Variants in PEAK1 observed in about 807,000 individuals in gnomAD.
PEAK1 encodes inactive tyrosine-protein kinase PEAK1.
In PEAK1, 54 loss-of-function variants were observed where a neutral mutation model predicts 124.7. The ratio of observed to expected loss-of-function variants is 0.43; its 90% CI spans 0.35 to 0.54. PEAK1 has a LOEUF of 0.54. Ranked by LOEUF, PEAK1 falls within the 20% of genes least tolerant of loss-of-function variation. The pLI is 0.01. For missense variants in PEAK1, 2,046 were observed against 2,134.5 expected (o/e 0.96, Z 0.82); for synonymous variants, 719 against 760.0 (o/e 0.95, Z 0.89).
At chr15:77,221,436 C>T (rs985770209) in intron 6 of PEAK1, among the ~76,000 whole-genome samples, 3 of 151,964 alleles carry the variant, frequency 2.0e-5, no homozygotes, top group Non-Finnish European at 4.4e-5. Flanking sequence ...GTTGGTAATA[C>T]GTGTAGATAT....
intron 2 of PEAK1, among the ~76,000 whole-genome samples, chr15:77,312,160 T>G (rs1327796284): frequency 4.6e-5 from 7 of 152,158 alleles, no homozygotes; most frequent in Admixed American, 4.6e-4. Flanking sequence ...ACTCCTGGGT[T>G]TCTGTTCTGA....
At chr15:77,311,617 A>C (rs1295166578) in intron 2 of PEAK1, among the ~76,000 whole-genome samples, 2 of 149,910 alleles carry the variant, frequency 1.3e-5, no homozygotes, top group Non-Finnish European at 3.0e-5. Context: ...AGGTTGCAGC[A>C]AGCCAAGATT....
intron 9 of PEAK1, among the ~76,000 whole-genome samples, chr15:77,132,695 CA>C (rs35561271): frequency 0.32 from 31,724 of 100,038 alleles, 3,649 homozygotes; most frequent in Middle Eastern, 0.39. Flanking sequence ...AACTCCATCT[CA>C]AAAAAAAAAA....
intron 2 of PEAK1, among the ~76,000 whole-genome samples, chr15:77,328,560 C>G (rs965390479): frequency 2.0e-5 from 3 of 152,140 alleles, no homozygotes; most frequent in Non-Finnish European, 4.4e-5. Flanking sequence ...CTACCATATA[C>G]TAGGCATAAT....
intron 1 of PEAK1, among the ~76,000 whole-genome samples, chr15:77,409,912 A>T (rs556932280): frequency 6.6e-6 from 1 of 152,288 alleles, no homozygotes; most frequent in South Asian, 2.1e-4. Context: ...AAACTAACAT[A>T]AAGTCACATG....
At chr15:77,145,723 A>G (rs548125534) in intron 8 of PEAK1, among the ~76,000 whole-genome samples, 1 of 152,240 alleles carries the variant, frequency 6.6e-6, no homozygotes, top group African/African-American at 2.4e-5. Context: ...CTACAAGTAA[A>G]AGATATGCCT....
rs79821598 is a variant in PEAK1, at chr15:77,369,989, T to A, written c.-665-4764A>T. On this transcript the variant is annotated intron_variant, in intron 1 of 9. Transcript: ENST00000682557. Reference sequence around the variant, plus strand: ...CTCCAACTCTCCACTGAGCCTTTCCTACACACAACTAATCAACTAAAAGTG... The same window carrying A: ...CTCCAACTCTCCACTGAGCCTTTCCAACACACAACTAATCAACTAAAAGTG... Among the ~76,000 whole-genome samples, 787 of 152,324 alleles carry A rather than the reference T, an allele frequency of 5.2e-3. 4 individuals carry two copies. Among genetic ancestry groups the A allele is most frequent in the African/African-American group, 0.016 (681 of 41,570 alleles).
At chr15:77,309,489 G>A (rs1266030031) in intron 2 of PEAK1, among the ~76,000 whole-genome samples, 1 of 151,982 alleles carries the variant, frequency 6.6e-6, no homozygotes, top group Non-Finnish European at 1.5e-5. Flanking sequence ...TGTGGTGGTT[G>A]CAAAATGCTG....
At chr15:77,151,612 T>C (rs1300397701) in intron 8 of PEAK1, among the ~76,000 whole-genome samples, 1 of 152,186 alleles carries the variant, frequency 6.6e-6, no homozygotes, top group Non-Finnish European at 1.5e-5. Context: ...TGGTATTGCC[T>C]AGGTTTTCTT....
At chr15:77,363,132 A>G (rs2068006591) in intron 2 of PEAK1, among the ~76,000 whole-genome samples, 1 of 152,196 alleles carries the variant, frequency 6.6e-6, no homozygotes. Context: ...CTGGGATTAC[A>G]GGCATGAACC....
intron 1 of PEAK1, 31 bp from the exon 2 acceptor site, chr15:77,365,256 A>G (rs1186662551): frequency 3.4e-6 from 3 of 895,092 alleles, no homozygotes; most frequent in Non-Finnish European, 4.0e-6. Context: ...AGAAAAAGAC[A>G]TGGTCAATAT....
chr15:77,182,067 A>G, intron 6 of PEAK1, 27 bp from the exon 7 acceptor site: 13 of 1,368,816 alleles, frequency 9.5e-6, no homozygotes, highest in Non-Finnish European at 1.2e-5. Context: ...AAGACAAAAA[A>G]TCTGAATGAA....
At chr15:77,121,056 TA>T (rs1172891131) in intron 9 of PEAK1, among the ~76,000 whole-genome samples, 2 of 152,168 alleles carry the variant, frequency 1.3e-5, no homozygotes, top group African/African-American at 2.4e-5. Context: ...TTTTTATCTT[TA>T]AAAAATTTTT....
chr15:77,420,068 G>A lies in PEAK1; in HGVS notation c.-728C>T, dbSNP rs890702468. On this transcript the variant is annotated 5_prime_UTR_variant, in exon 1 of 10. Transcript: ENST00000682557. The stretch of plus-strand genomic sequence containing the variant: ...CCGTCCGTCCCGTCCCCTTCCTGGT[G>A]ACCACGGCCGCCGCCGCCGAGCAAC... 10 of 150,174 alleles carry A rather than the reference G, an allele frequency of 6.7e-5. No individual in the cohort carries two copies. Among genetic ancestry groups the A allele is most frequent in the Non-Finnish European group, 1.2e-4 (8 of 67,518 alleles). 9.3% of individuals were successfully genotyped at this position (150,174 alleles called of 1,614,324 possible). A position where few individuals can be genotyped will look rare whatever the true frequency, so the allele number is the denominator to read the frequency against.
chr15:77,355,715 T>C (rs1476022503), intron 2 of PEAK1: 1 of 967,720 alleles, frequency 1.0e-6, no homozygotes, highest in African/African-American at 1.8e-5. Flanking sequence ...CTCATCCATT[T>C]TGGGGGGTCC....
intron 5 of PEAK1, 78 bp from the exon 6 acceptor site, chr15:77,252,604 C>A (rs961995243): frequency 1.3e-6 from 1 of 741,264 alleles, no homozygotes; most frequent in African/African-American, 1.9e-5. Flanking sequence ...CTTAGATATT[C>A]CTAATATCAC....
chr15:77,358,615 T>C (rs1278011202), intron 2 of PEAK1, among the ~76,000 whole-genome samples: 4 of 152,150 alleles, frequency 2.6e-5, no homozygotes, highest in Admixed American at 6.5e-5. Flanking sequence ...GATTTAAAAA[T>C]GAAAATGACA....
At chr15:77,147,396 A>G (rs1040558364) in intron 8 of PEAK1, among the ~76,000 whole-genome samples, 2 of 152,226 alleles carry the variant, frequency 1.3e-5, no homozygotes, top group African/African-American at 4.8e-5. Flanking sequence ...AAAGGGAGAT[A>G]TTATAGATCT....
chr15:77,281,933 CA>C (rs766906226), intron 5 of PEAK1, among the ~76,000 whole-genome samples: 3 of 152,146 alleles, frequency 2.0e-5, no homozygotes, highest in Admixed American at 6.5e-5. Context: ...AACTCTGAAT[CA>C]ACCCATTTAA....
Sources: allele counts gnomAD v4.1 joint callset (sites outside exome capture counted in the v4.1 genomes callset), GRCh38; gene constraint gnomAD v4.1.1; transcripts MANE v1.5; gene names NCBI Gene and HGNC (gene_info 2026-07-23, HGNC 2026-07-21).